The following PLXNB2 variants were observed in gnomAD, a reference collection of about 807,000 sequenced individuals.
The protein encoded by PLXNB2 is plexin B2.
In PLXNB2, 85 loss-of-function variants were observed where a neutral mutation model predicts 202.6. The ratio of observed to expected loss-of-function variants is 0.42; its 90% CI spans 0.35 to 0.50. The LOEUF is 0.50. PLXNB2 is among the 20% of genes least tolerant of loss of function. The pLI, the probability that PLXNB2 is intolerant of heterozygous loss-of-function variation, is 0.02. For synonymous variants in PLXNB2, 1,239 were observed against 1,137.6 expected (o/e 1.09, Z -1.79); for missense variants, 2,063 against 2,586.2 (o/e 0.80, Z 4.39).
At position 50,275,501 on chromosome 22, in the gene PLXNB2, T is replaced by G. The variant is rs2065481134; in HGVS notation, c.*203A>C. ...CGGAGGGAGCTGGGGCTGGGGCTGG[T>G]GCTGGTGCGGTGCCCGGCGGTATTG... On this transcript the variant is annotated 3_prime_UTR_variant, in exon 37 of 37. Coordinates refer to ENST00000359337, the MANE Select transcript of PLXNB2 (RefSeq NM_012401.4). 2 of 668,522 alleles carry G rather than the reference T, an allele frequency of 3.0e-6. No individual in the cohort carries two copies. Among genetic ancestry groups the G allele is most frequent in the Admixed American group, 4.2e-5 (2 of 48,010 alleles). 41.4% of individuals were successfully genotyped at this position (668,522 alleles called of 1,614,324 possible). A position where few individuals can be genotyped will look rare whatever the true frequency, so the allele number is the denominator to read the frequency against.
intron 1 of PLXNB2, among the ~76,000 whole-genome samples, chr22:50,298,794 C>T (rs1218325073): frequency 2.0e-5 from 3 of 152,208 alleles, no homozygotes; most frequent in Non-Finnish European, 2.9e-5. Flanking sequence ...TACAGGTGCA[C>T]GCCACTATGC....
Position 50,279,663 on chromosome 22 carries a change from C to G in PLXNB2, c.4356G>C (p.Gly1452=), listed in dbSNP as rs2147350609. ...CGTACTCCACATCATCCCCCAGCAG[C>G]CCCGTGTCGTTGAGAGTGTACTTGG... ...KKAKYTLNDT[G]LLGDDVEYAP... Residue 1452 remains glycine (G), a synonymous_variant, in exon 27 of 37, where the codon GGG becomes GGC. Coordinates refer to ENST00000359337, the MANE Select transcript of PLXNB2 (RefSeq NM_012401.4). 6.2e-7 allele frequency: 1 copy of G among 1,613,978 alleles called. No individual in the cohort carries two copies. Among genetic ancestry groups the G allele is most frequent in the East Asian group, 2.2e-5 (1 of 44,892 alleles).
rs375824702 is a variant in PLXNB2, at chr22:50,288,903, C to T, written c.1252-32G>A. On this transcript the variant is annotated intron_variant, in intron 4 of 36. Coordinates refer to ENST00000359337, the MANE Select transcript of PLXNB2 (RefSeq NM_012401.4). This position sits in a 1 kb window ranked among gnomAD's most constrained non-coding sequence, Gnocchi z 5.0. ...GCGCGAGGGCAGGCCGGTGAGGGTA[C>T]GGGCCTTGTGCACAGACGGGCCCTC... 2.8e-5 allele frequency: 45 copies of T among 1,611,976 alleles called. No individual in the cohort carries two copies. The African/African-American group carries it at 3.9e-4, about 14-fold the overall frequency.
At chr22:50,283,553 G>A (rs778338831) in intron 15 of PLXNB2, 49 bp downstream of exon 15, 29 of 1,316,770 alleles carry the variant, frequency 2.2e-5, no homozygotes, top group Middle Eastern at 2.2e-4. Context: ...GAACCCCAGC[G>A]TGGGTACTGA....
At position 50,289,078 on chromosome 22, in the gene PLXNB2, C is replaced by T; in HGVS notation, c.1133G>A (p.Gly378Glu). Residue 378 changes from glycine (G) to glutamate (E), a missense_variant, in exon 4 of 37, where the codon GGG becomes GAG. Around this residue, in one of 2 missense-constraint regions of PLXNB2, gnomAD observed 1,303 missense variants for 1,476.8 expected, o/e 0.88. Transcript: ENST00000359337. The surrounding 1 kb of genome is among the most constrained non-coding windows in gnomAD (Gnocchi z 8.0). Reference protein sequence around the residue: ...HLPYPLGSRDGLRGTAVLQRG... With the variant: ...HLPYPLGSRDELRGTAVLQRG... The stretch of plus-strand genomic sequence containing the variant: ...CTGCAGCACGGCTGTGCCTCTGAGC[C>T]CGTCGCGGCTGCCCAGCGGGTAGGG... The T allele has an allele frequency of 6.2e-7, 1 of 1,601,266 alleles. No individual in the cohort carries two copies. Among genetic ancestry groups the T allele is most frequent in the Non-Finnish European group, 8.5e-7 (1 of 1,173,792 alleles).
chr22:50,283,531 C>G, intron 15 of PLXNB2, 71 bp downstream of exon 15: 3 of 1,559,588 alleles, frequency 1.9e-6, no homozygotes, highest in Non-Finnish European at 2.6e-6. Flanking sequence ...TCCCCACCCA[C>G]CCAGTCACCC....
intron 27 of PLXNB2, 103 bp downstream of exon 27, chr22:50,279,524 AGGT>A (rs2065843070): frequency 9.3e-7 from 1 of 1,071,356 alleles, no homozygotes; most frequent in Non-Finnish European, 1.4e-6. Context: ...TCCACAGAGG[AGGT>A]GGACGGCCTC....
chr22:50,286,810 C>A (rs1199442420), intron 8 of PLXNB2, among the ~76,000 whole-genome samples: 1 of 152,170 alleles, frequency 6.6e-6, no homozygotes, highest in African/African-American at 2.4e-5. Flanking sequence ...TCTGCCGAGA[C>A]GACGGGGCCT....
Position 50,290,109 on chromosome 22 carries a change from G to A in PLXNB2, c.476C>T (p.Ser159Phe), listed in dbSNP as rs1440523203. 3.7e-6 allele frequency: 6 copies of A among 1,613,092 alleles called. No individual in the cohort carries two copies. Among genetic ancestry groups the A allele is most frequent in the Middle Eastern group, 1.6e-4 (1 of 6,062 alleles). The change falls in exon 3 of 37, where the codon TCC becomes TTC. Residue 159 changes from serine (S) to phenylalanine (F), a missense_variant. This residue lies in a region of PLXNB2 where 1,303 missense variants were observed against 1,476.8 expected (regional missense o/e 0.88). Coordinates refer to ENST00000359337, the MANE Select transcript of PLXNB2 (RefSeq NM_012401.4). Reference protein sequence around the residue: ...EGVATVGLVSSTGPGGDRVLF... With the variant: ...EGVATVGLVSFTGPGGDRVLF... ...CACGCGGTCACCACCAGGACCCGTG[G>A]AGCTCACCAGCCCCACTGTGGCCAC...
chr22:50,305,212 C>T (rs533839538), intron 1 of PLXNB2, among the ~76,000 whole-genome samples: 2 of 152,338 alleles, frequency 1.3e-5, no homozygotes, highest in African/African-American at 4.8e-5. Flanking sequence ...ACGGTGAGCA[C>T]GGACGACGTC....
chr22:50,294,724 A>G lies in PLXNB2; in HGVS notation c.-19T>C. On this transcript the variant is annotated 5_prime_UTR_variant, in exon 2 of 37. Coordinates refer to ENST00000359337, the MANE Select transcript of PLXNB2 (RefSeq NM_012401.4). Reference sequence around the variant, plus strand: ...TTCCCAGGTGGGGTACAGACCCCTCACCGAGGCTCCAGTGGTCCAGCTCAG... The same window carrying G: ...TTCCCAGGTGGGGTACAGACCCCTCGCCGAGGCTCCAGTGGTCCAGCTCAG... 1 of 985,330 alleles carries G rather than the reference A, an allele frequency of 1.0e-6. No individual in the cohort carries two copies. The highest frequency in any genetic ancestry group is 1.2e-6 in the Non-Finnish European group (1 of 829,834). The allele number at this position is 985,330 out of a possible 1,614,324, so 61.0% of individuals were successfully genotyped here.
rs185283047 is a variant in PLXNB2 at position 50,307,403 on chromosome 22, G to T, written c.-74+150C>A. 1,526 of 270,740 alleles carry T rather than the reference G, an allele frequency of 5.6e-3. 34 individuals carry two copies. Among genetic ancestry groups the T allele is most frequent in the African/African-American group, 0.033 (1,439 of 43,770 alleles). 16.8% of individuals were successfully genotyped at this position (270,740 alleles called of 1,614,324 possible). A position where few individuals can be genotyped will look rare whatever the true frequency, so the allele number is the denominator to read the frequency against. The stretch of plus-strand genomic sequence containing the variant: ...CTCGCCGGATGGACCGACGGACGGG[G>T]CCCAGGCCCCGGGAGCCCTCCGCGG... On this transcript the variant is annotated intron_variant, in intron 1 of 36. Transcript: ENST00000359337.
chr22:50,288,111 G>T lies in PLXNB2; in HGVS notation c.1381-74C>A. On this transcript the variant is annotated intron_variant, in intron 5 of 36. Coordinates refer to ENST00000359337, the MANE Select transcript of PLXNB2 (RefSeq NM_012401.4). The surrounding 1 kb of genome is among the most constrained non-coding windows in gnomAD (Gnocchi z 5.0). ...CTTCCGCAGACCCCAGATGTCCCCA[G>T]ACCGCCAGCTTGACCCAGCTCTGTC... 8.5e-7 allele frequency: 1 copy of T among 1,170,312 alleles called. No homozygotes were observed. The highest frequency in any genetic ancestry group is 2.2e-5 in the Admixed American group (1 of 45,874). 72.5% of individuals were successfully genotyped at this position (1,170,312 alleles called of 1,614,324 possible).
In PLXNB2 at chr22:50,284,533, TG is replaced by T; in HGVS notation, c.2181+39del. On this transcript the variant is annotated intron_variant, in intron 12 of 36. Transcript: ENST00000359337. The surrounding 1 kb of genome is among the most constrained non-coding windows in gnomAD (Gnocchi z 8.0). ...TGACCCCCCACCCCACCCGGGGCCC[TG>T]GGGTCCAGCAGCCGAGCCGGCCTGC... 4 of 1,364,982 alleles carry T rather than the reference TG, an allele frequency of 2.9e-6. No homozygotes were observed. The highest frequency in any genetic ancestry group is 4.0e-6 in the Non-Finnish European group (4 of 994,806). The allele number at this position is 1,364,982 out of a possible 1,614,324, so 84.6% of individuals were successfully genotyped here. A position where few individuals can be genotyped will look rare whatever the true frequency, so the allele number is the denominator to read the frequency against.
At position 50,288,503 on chromosome 22, in the gene PLXNB2, C is replaced by T. The variant is rs2066632725; in HGVS notation, c.1380+240G>A. Among the ~76,000 whole-genome samples, 3 of 152,024 alleles carry T rather than the reference C, an allele frequency of 2.0e-5. No individual in the cohort carries two copies. The highest frequency in any genetic ancestry group is 2.9e-5 in the Non-Finnish European group (2 of 67,992). ...GCAGAGGCGGGGCCAGAGGGAGAGA[C>T]ATGGTTGAGACCACAAAGGACAAAC... On this transcript the variant is annotated intron_variant, in intron 5 of 36. Coordinates refer to ENST00000359337, the MANE Select transcript of PLXNB2 (RefSeq NM_012401.4). The surrounding 1 kb of genome is among the most constrained non-coding windows in gnomAD (Gnocchi z 5.0).
intron 1 of PLXNB2, among the ~76,000 whole-genome samples, chr22:50,304,928 C>T (rs2067832747): frequency 6.6e-6 from 1 of 152,234 alleles, no homozygotes; most frequent in South Asian, 2.1e-4. Flanking sequence ...CCAAGGCAGG[C>T]TCTGGGCACA....
At position 50,290,475 on chromosome 22, in the gene PLXNB2, A is replaced by G. The variant is rs1252912952; in HGVS notation, c.110T>C (p.Leu37Pro). The G allele has an allele frequency of 6.2e-7, 1 of 1,612,868 alleles. No homozygotes were observed. Among genetic ancestry groups the G allele is most frequent in the Middle Eastern group, 1.7e-4 (1 of 6,056 alleles). The change falls in exon 3 of 37, where the codon CTG becomes CCG. Residue 37 changes from leucine to proline, a missense_variant. This residue lies in a region of PLXNB2 where 1,303 missense variants were observed against 1,476.8 expected (regional missense o/e 0.88). Transcript: ENST00000359337. ...CACGCCTGAGGCCTCATCCACAGCC[A>G]GGTGGTTCAGCTCTTTCTCGCTGCG... ...FFRSEKELNHLAVDEASGVVY... is the reference protein window; with the variant it reads ...FFRSEKELNHPAVDEASGVVY...
At chr22:50,276,101 C>T (rs1248103255) in intron 35 of PLXNB2, 138 bp from the exon 36 acceptor site, 6 of 718,410 alleles carry the variant, frequency 8.4e-6, no homozygotes, top group Admixed American at 4.4e-5. Flanking sequence ...ACTTGGGGCC[C>T]CCCATGTGGC....
rs1018210024 is a variant in PLXNB2, at chr22:50,275,476, C to T, written c.*228G>A. The stretch of plus-strand genomic sequence containing the variant: ...GAACACCCGATGCTGGTTCTGCGGC[C>T]GGAGGGAGCTGGGGCTGGGGCTGGT... On this transcript the variant is annotated 3_prime_UTR_variant, in exon 37 of 37. Transcript: ENST00000359337. 11 of 658,674 alleles carry T rather than the reference C, an allele frequency of 1.7e-5. No individual in the cohort carries two copies. The highest frequency in any genetic ancestry group is 2.5e-5 in the Non-Finnish European group (9 of 356,558). The allele number at this position is 658,674 out of a possible 1,614,324, so 40.8% of individuals were successfully genotyped here. A position where few individuals can be genotyped will look rare whatever the true frequency, so the allele number is the denominator to read the frequency against.
Sources: gnomAD v4.1 joint callset for allele counts (sites outside exome capture counted in the v4.1 genomes callset) on GRCh38, gnomAD v4.1.1 for gene constraint, gnomAD v4.1.1 regional missense constraint, Gnocchi (gnomAD v3.1) non-coding constraint, MANE v1.5 for transcripts, NCBI Gene and HGNC (gene_info 2026-07-23, HGNC 2026-07-21) for gene names.